FIP1L1: variants seen among roughly 807,000 people sequenced by gnomAD.
The protein encoded by FIP1L1 is factor interacting with PAPOLA and CPSF1.
Under a neutral mutation model 84.6 loss-of-function variants are expected in FIP1L1, and 21 were observed. That is an observed-to-expected ratio of 0.25 (90% confidence interval 0.18 to 0.36). The LOEUF (loss-of-function observed/expected upper bound fraction) is 0.36, where lower values mean the gene tolerates loss of function less well. Among genes scored for constraint, FIP1L1 ranks in the 10% least tolerant of loss-of-function variants. FIP1L1 has a pLI of 1.00. For missense variants in FIP1L1, 526 were observed against 751.1 expected (o/e 0.70, Z 3.50); for synonymous variants, 263 against 242.3 (o/e 1.09, Z -0.80).
intron 11 of FIP1L1, among the ~76,000 whole-genome samples, chr4:53,415,648 G>A (rs187804021): frequency 6.6e-6 from 1 of 151,222 alleles, no homozygotes; most frequent in Admixed American, 6.6e-5. Flanking sequence ...TGTAAATTAT[G>A]ATCAGATACC....
chr4:53,387,879 G>A (rs1270339819), intron 5 of FIP1L1, among the ~76,000 whole-genome samples: 1 of 152,172 alleles, frequency 6.6e-6, no homozygotes, highest in Non-Finnish European at 1.5e-5. Context: ...GTGAAGGCAG[G>A]AACCGTAATT....
chr4:53,438,015 G>A (rs573958145), intron 13 of FIP1L1, among the ~76,000 whole-genome samples: 4 of 151,926 alleles, frequency 2.6e-5, no homozygotes, highest in African/African-American at 4.8e-5. Context: ...GTGAGCCACC[G>A]CGCCCGGCCT....
chr4:53,389,713 G>A, intron 5 of FIP1L1, 96 bp from the exon 6 acceptor site: 1 of 895,696 alleles, frequency 1.1e-6, no homozygotes, highest in East Asian at 2.5e-5. Context: ...CATTTACTAT[G>A]TGATTGTATA....
intron 16 of FIP1L1, among the ~76,000 whole-genome samples, chr4:53,456,244 A>G (rs1277177882): frequency 1.3e-5 from 2 of 152,200 alleles, no homozygotes; most frequent in Non-Finnish European, 2.9e-5. Context: ...CTTTGCATAA[A>G]TAACACATTG....
intron 13 of FIP1L1, among the ~76,000 whole-genome samples, chr4:53,431,013 C>T (rs1195439640): frequency 3.3e-5 from 5 of 152,276 alleles, no homozygotes; most frequent in South Asian, 2.1e-4. Context: ...TGTTGGGGAG[C>T]GTACAGGCTA....
chr4:53,403,825 G>T (rs1194577579), intron 10 of FIP1L1, among the ~76,000 whole-genome samples: 1 of 152,088 alleles, frequency 6.6e-6, no homozygotes, highest in African/African-American at 2.4e-5. Flanking sequence ...GATTTGCTGA[G>T]CATACTTCTT....
intron 11 of FIP1L1, among the ~76,000 whole-genome samples, chr4:53,415,144 T>C (rs573387794): frequency 2.7e-4 from 41 of 152,270 alleles, no homozygotes; most frequent in Non-Finnish European, 5.3e-4. Context: ...TTATACCCAC[T>C]ACAGTGCAAA....
At chr4:53,392,185 G>T (rs1439295507) in intron 9 of FIP1L1, among the ~76,000 whole-genome samples, 1 of 152,182 alleles carries the variant, frequency 6.6e-6, no homozygotes, top group Non-Finnish European at 1.5e-5. Flanking sequence ...ATGGAAAACT[G>T]ATTGTGTACT....
In FIP1L1 at chr4:53,383,792, A is replaced by C. The variant is rs370672369; in HGVS notation, c.248A>C (p.Asp83Ala). Reference protein sequence around the residue: ...VPKPKVTETEDDSDSDSDDDE... With the variant: ...VPKPKVTETEADSDSDSDDDE... The stretch of plus-strand genomic sequence containing the variant: ...ATGTAGAAAGTGACTGAGACCGAAG[A>C]TGATAGTGATAGTGACAGCGATGAT... The change falls in exon 5 of 18, where the codon GAT becomes GCT. Residue 83 changes from aspartate (D) to alanine (A), a missense_variant. Transcript: ENST00000337488. 53 of 1,610,904 alleles carry C rather than the reference A, an allele frequency of 3.3e-5. No homozygotes were observed. The highest frequency in any genetic ancestry group is 4.1e-5 in the Non-Finnish European group (48 of 1,177,466).
chr4:53,416,243 A>C (rs994921066), intron 11 of FIP1L1, among the ~76,000 whole-genome samples: 1 of 152,216 alleles, frequency 6.6e-6, no homozygotes, highest in Admixed American at 6.5e-5. Context: ...TGGACAGCCT[A>C]TTTACTGAAC....
Position 53,399,826 on chromosome 4 carries a change from C to T in FIP1L1, c.802C>T (p.Leu268Phe). ...TSPPSLFKTG[L>F]PPSRNSTSSQ... ...TCCTCCTTCTTTGTTCAAGACTGGG[C>T]TTCCACCGAGCAGGTTAGTTACATA... Residue 268 changes from leucine (L) to phenylalanine (F), a missense_variant, in exon 10 of 18, where the codon CTT becomes TTT. Around this residue, in one of 6 missense-constraint regions of FIP1L1, gnomAD observed 169 missense variants for 206.9 expected, o/e 0.82. Transcript: ENST00000337488. The T allele has an allele frequency of 6.2e-7, 1 of 1,610,928 alleles. No homozygotes were observed. The highest frequency in any genetic ancestry group is 1.1e-5 in the South Asian group (1 of 90,978).
rs768021713 is a variant in FIP1L1 at position 53,428,045 on chromosome 4, G to T, written c.1036G>T (p.Ala346Ser). 5.0e-6 allele frequency: 8 copies of T among 1,606,624 alleles called. No individual in the cohort carries two copies. The highest frequency in any genetic ancestry group is 6.8e-6 in the Non-Finnish European group (8 of 1,174,894). The change falls in exon 13 of 18, where the codon GCT becomes TCT. Residue 346 changes from alanine (A) to serine (S), a missense_variant. Around this residue, in one of 6 missense-constraint regions of FIP1L1, gnomAD observed 80 missense variants for 151.1 expected, o/e 0.53. Transcript: ENST00000337488. ...SNIQVLSERS[A>S]TEVDNNFSKP... ...ATTTTAGGTCCTTTCTGAAAGATCT[G>T]CTACTGAAGTAGACAACAATTTTAG...
intron 11 of FIP1L1, among the ~76,000 whole-genome samples, chr4:53,423,172 T>C (rs1763050770): frequency 6.6e-6 from 1 of 152,234 alleles, no homozygotes; most frequent in Non-Finnish European, 1.5e-5. Flanking sequence ...GATATTTTTA[T>C]ATTCATTTAC....
intron 15 of FIP1L1, among the ~76,000 whole-genome samples, chr4:53,445,484 C>G (rs764764292): frequency 2.0e-5 from 3 of 151,930 alleles, no homozygotes; most frequent in Non-Finnish European, 4.4e-5. Context: ...GGGAAATAAC[C>G]AGGGAATGAG....
intron 1 of FIP1L1, 161 bp downstream of exon 1, chr4:53,378,084 G>C: frequency 1.7e-6 from 1 of 580,002 alleles, no homozygotes; most frequent in East Asian, 3.4e-5. Flanking sequence ...CGTGCCCCCA[G>C]TCCCCGCGGC....
chr4:53,383,528 G>T (rs1291018971), intron 4 of FIP1L1, among the ~76,000 whole-genome samples: 1 of 152,128 alleles, frequency 6.6e-6, no homozygotes, highest in Non-Finnish European at 1.5e-5. Context: ...TGGGCATGGT[G>T]GCGGGCACCT....
intron 13 of FIP1L1, among the ~76,000 whole-genome samples, chr4:53,433,651 G>T (rs1372845882): frequency 3.3e-5 from 5 of 152,148 alleles, no homozygotes; most frequent in Admixed American, 3.3e-4. Context: ...ATGTAGCCCA[G>T]TAGTGGAATT....
chr4:53,454,426 T>G (rs912755335), intron 16 of FIP1L1, among the ~76,000 whole-genome samples: 1 of 152,226 alleles, frequency 6.6e-6, no homozygotes, highest in Admixed American at 6.5e-5. Context: ...TGTCATTAAC[T>G]GACACTTGAC....
chr4:53,389,634 A>G (rs988095567), intron 5 of FIP1L1, among the ~76,000 whole-genome samples, 175 bp from the exon 6 acceptor site: 2 of 152,220 alleles, frequency 1.3e-5, no homozygotes, highest in African/African-American at 2.4e-5. Flanking sequence ...CCTGGACAAC[A>G]TGGTATGAGA....
Sources: allele counts gnomAD v4.1 joint callset (sites outside exome capture counted in the v4.1 genomes callset), GRCh38; gene constraint gnomAD v4.1.1; regional missense constraint gnomAD v4.1.1; transcripts MANE v1.5; gene names NCBI Gene and HGNC (gene_info 2026-07-23, HGNC 2026-07-21).